TRPC1: variants seen among roughly 807,000 people sequenced by gnomAD.
TRPC1 encodes the protein short transient receptor potential channel 1.
In TRPC1, 42 loss-of-function variants were observed where a neutral mutation model predicts 88.2. The ratio of observed to expected loss-of-function variants is 0.48; its 90% CI spans 0.37 to 0.62. TRPC1 has a LOEUF of 0.62. Ranked by LOEUF, TRPC1 falls within the 20% of genes least tolerant of loss-of-function variation. The pLI, the probability that TRPC1 is intolerant of heterozygous loss-of-function variation, is 0.00. For synonymous variants in TRPC1, 288 were observed against 331.8 expected, an observed-to-expected ratio of 0.87 and a Z score of 1.43; for missense variants, 699 against 957.3, an observed-to-expected ratio of 0.73 and a Z score of 3.56.
At chr3:142,799,959 T>C (rs1312654684) in intron 9 of TRPC1, among the ~76,000 whole-genome samples, 4 of 152,156 alleles carry the variant, frequency 2.6e-5, no homozygotes, top group South Asian at 2.1e-4. Context: ...TAAAATGATA[T>C]CATACATGGT....
intron 1 of TRPC1, among the ~76,000 whole-genome samples, chr3:142,735,223 C>T (rs1294569071): frequency 6.6e-6 from 1 of 151,988 alleles, no homozygotes; most frequent in Admixed American, 6.6e-5. Context: ...GAGTTTAAGG[C>T]CATAGATTAA....
At chr3:142,751,571 CTGTG>C (rs914949938) in intron 4 of TRPC1, among the ~76,000 whole-genome samples, 27 of 152,120 alleles carry the variant, frequency 1.8e-4, no homozygotes, top group African/African-American at 6.5e-4. Context: ...CAATGCATGA[CTGTG>C]TGTGTGTATG....
At position 142,792,977 on chromosome 3, in the gene TRPC1, T is replaced by A. The variant is rs765391484; in HGVS notation, c.1581+10T>A. Reference sequence around the variant, plus strand: ...CTTGGGTCCATTACAGGTAAATAATTAAAATTTCTTAAAGAACATTTTTTA... The same window carrying A: ...CTTGGGTCCATTACAGGTAAATAATAAAAATTTCTTAAAGAACATTTTTTA... On this transcript the variant is annotated intron_variant, in intron 9 of 12. Transcript: ENST00000476941. The surrounding 1 kb of genome is among the most constrained non-coding windows in gnomAD (Gnocchi z 4.0). The A allele has an allele frequency of 1.7e-4, 265 of 1,564,318 alleles. No homozygotes were observed. Among genetic ancestry groups the A allele is most frequent in the Non-Finnish European group, 2.2e-4 (256 of 1,158,938 alleles).
rs1384570890 is a variant in TRPC1 at position 142,724,431 on chromosome 3, C to T, written c.-129C>T. The T allele has an allele frequency of 1.1e-6, 1 of 928,528 alleles. No homozygotes were observed. Among genetic ancestry groups the T allele is most frequent in the Non-Finnish European group, 1.5e-6 (1 of 666,410 alleles). 57.5% of individuals were successfully genotyped at this position (928,528 alleles called of 1,614,324 possible). On this transcript the variant is annotated 5_prime_UTR_variant, in exon 1 of 13. Coordinates refer to ENST00000476941, the MANE Select transcript of TRPC1 (RefSeq NM_001251845.2). This position sits in a 1 kb window ranked among gnomAD's most constrained non-coding sequence, Gnocchi z 5.6. ...GACGCCCTTCGGGGCCAACGGGCCTCGAGCCGAGGCAGCAGTGGGAACGAC... is the reference window on the plus strand; with the variant it reads ...GACGCCCTTCGGGGCCAACGGGCCTTGAGCCGAGGCAGCAGTGGGAACGAC...
intron 4 of TRPC1, among the ~76,000 whole-genome samples, chr3:142,765,114 G>A (rs1183653309): frequency 6.6e-6 from 1 of 151,810 alleles, no homozygotes; most frequent in African/African-American, 2.4e-5. Context: ...GCTAACTCAG[G>A]AGGTAAAAAA....
intron 4 of TRPC1, among the ~76,000 whole-genome samples, chr3:142,749,837 TAATA>T (rs1200575237): frequency 2.6e-5 from 4 of 152,138 alleles, no homozygotes; most frequent in Non-Finnish European, 5.9e-5. Context: ...ATTCCCTATT[TAATA>T]AATATGTTGG....
At chr3:142,763,993 T>TTTG (rs1935295562) in intron 4 of TRPC1, among the ~76,000 whole-genome samples, 1 of 66,354 alleles carries the variant, frequency 1.5e-5, no homozygotes, top group African/African-American at 1.7e-4. Flanking sequence ...TACACATACA[T>TTTG]ACATACATAT....
Position 142,792,815 on chromosome 3 carries a change from T to C in TRPC1, c.1438-9T>C. ...TTATTTACCTTTGGCTTTTTCTTCC[T>C]AACCTTAGTTTCATGATTTTGCTGA... On this transcript the variant is annotated splice_polypyrimidine_tract_variant and intron_variant, in intron 8 of 12. Transcript: ENST00000476941. This position sits in a 1 kb window ranked among gnomAD's most constrained non-coding sequence, Gnocchi z 4.0. 1.4e-5 allele frequency: 22 copies of C among 1,564,940 alleles called. No homozygotes were observed. Among genetic ancestry groups the C allele is most frequent in the Non-Finnish European group, 1.8e-5 (21 of 1,159,554 alleles).
chr3:142,747,712 A>G (rs1934607305), intron 3 of TRPC1, among the ~76,000 whole-genome samples: 1 of 152,236 alleles, frequency 6.6e-6, no homozygotes, highest in African/African-American at 2.4e-5. Context: ...TATAGTAGGA[A>G]GTAGTATATG....
In TRPC1 at chr3:142,757,703, T is replaced by C. The variant is rs182241109; in HGVS notation, c.632+9243T>C. Among the ~76,000 whole-genome samples, 889 of 152,214 alleles carry C rather than the reference T, an allele frequency of 5.8e-3. 8 individuals carry two copies. Among genetic ancestry groups the C allele is most frequent in the African/African-American group, 0.02 (840 of 41,530 alleles). ...GCAAATACCTAATGCATGCGGGGCT[T>C]AAAACCTAGATGACAGGTTGATTGG... On this transcript the variant is annotated intron_variant, in intron 4 of 12. Transcript: ENST00000476941.
At chr3:142,782,995 A>G (rs1160663491) in intron 6 of TRPC1, among the ~76,000 whole-genome samples, 1 of 152,144 alleles carries the variant, frequency 6.6e-6, no homozygotes, top group African/African-American at 2.4e-5. Context: ...ACATAGCATC[A>G]CCTCTGTTAG....
intron 4 of TRPC1, among the ~76,000 whole-genome samples, chr3:142,774,332 T>A (rs1935683407): frequency 6.6e-6 from 1 of 152,252 alleles, no homozygotes; most frequent in Non-Finnish European, 1.5e-5. Flanking sequence ...GGCTTTCTTA[T>A]TTCCAAGCTC....
intron 10 of TRPC1, 36 bp from the exon 11 acceptor site, chr3:142,803,937 TTTAA>T (rs1188478843): frequency 6.3e-7 from 1 of 1,582,994 alleles, no homozygotes; most frequent in South Asian, 1.1e-5. Flanking sequence ...TGCTAATTTC[TTTAA>T]TTGCCTTTTA....
chr3:142,785,407 T>C (rs1413088225), intron 7 of TRPC1: 1 of 165,748 alleles, frequency 6.0e-6, no homozygotes, highest in Non-Finnish European at 1.3e-5. Flanking sequence ...CAATCTATTT[T>C]ATACTGTTGT....
chr3:142,752,316 A>G (rs909509980), intron 4 of TRPC1, among the ~76,000 whole-genome samples: 32 of 152,404 alleles, frequency 2.1e-4, no homozygotes, highest in Non-Finnish European at 3.7e-4. Context: ...CATGTGAGCA[A>G]AAGAATCTAT....
intron 4 of TRPC1, among the ~76,000 whole-genome samples, chr3:142,760,244 T>G (rs956452441): frequency 6.6e-6 from 1 of 152,222 alleles, no homozygotes; most frequent in Non-Finnish European, 1.5e-5. Context: ...AGTTTTGATT[T>G]AATTTTTGTG....
chr3:142,743,621 T>G, intron 3 of TRPC1, 35 bp downstream of exon 3: 1 of 1,370,452 alleles, frequency 7.3e-7, no homozygotes, highest in Non-Finnish European at 9.6e-7. Context: ...ATTTGGATTT[T>G]TAAACCAAAA....
chr3:142,796,927 T>G (rs1936470646), intron 9 of TRPC1, among the ~76,000 whole-genome samples: 1 of 152,050 alleles, frequency 6.6e-6, no homozygotes, highest in South Asian at 2.1e-4. Context: ...AAATCCAAAA[T>G]CTATCCAAAG....
At chr3:142,725,571 A>G (rs547774619) in intron 1 of TRPC1, among the ~76,000 whole-genome samples, 1 of 152,328 alleles carries the variant, frequency 6.6e-6, no homozygotes, top group South Asian at 2.1e-4. Context: ...CATCCTTTGT[A>G]GTGATGTATA....
Sources: allele counts gnomAD v4.1 joint callset (sites outside exome capture counted in the v4.1 genomes callset), GRCh38; gene constraint gnomAD v4.1.1; non-coding constraint Gnocchi (gnomAD v3.1); transcripts MANE v1.5; gene names NCBI Gene and HGNC (gene_info 2026-07-23, HGNC 2026-07-21).